ALPK2: variants seen among roughly 807,000 people sequenced by gnomAD.
ALPK2 encodes the protein alpha kinase 2.
In ALPK2, 127 loss-of-function variants were observed where a neutral mutation model predicts 163.1. The ratio of observed to expected loss-of-function variants is 0.78; its 90% CI spans 0.67 to 0.90. ALPK2 has a LOEUF of 0.90. Among genes scored for constraint, ALPK2 ranks in the 40% least tolerant of loss-of-function variants. The probability of loss-of-function intolerance (pLI) is 0.00; values close to 1 mark genes in which losing one functional copy is unlikely to be tolerated. For missense variants in ALPK2, 2,360 were observed against 2,589.6 expected, an observed-to-expected ratio of 0.91 and a Z score of 1.92; for synonymous variants, 953 against 959.1, an observed-to-expected ratio of 0.99 and a Z score of 0.12.
Position 58,534,838 on chromosome 18 carries a change from TC to T in ALPK2, c.5348del (p.Gly1783GlufsTer7). ...DPKKPSCKRE[G>X]RAPVLLKKIQ... ...TGGACAGCAACAGAACCTCACCTCT[TC>T]CTTCTCTTTTGCAAGATGGCTTTTT... On this transcript the variant is annotated frameshift_variant, in exon 5 of 13. Transcript: ENST00000361673. The T allele has an allele frequency of 6.2e-7, 1 of 1,607,134 alleles. No individual in the cohort carries two copies. Among genetic ancestry groups the T allele is most frequent in the Non-Finnish European group, 8.5e-7 (1 of 1,177,456 alleles).
chr18:58,523,895 G>C, intron 7 of ALPK2, 40 bp downstream of exon 7: 1 of 1,614,116 alleles, frequency 6.2e-7, no homozygotes, highest in Non-Finnish European at 8.5e-7. Flanking sequence ...ATTGTGAACG[G>C]GCAGGGGCCA....
intron 3 of ALPK2, among the ~76,000 whole-genome samples, chr18:58,606,538 A>G (rs2052098504): frequency 6.6e-6 from 1 of 152,230 alleles, no homozygotes; most frequent in Non-Finnish European, 1.5e-5. Flanking sequence ...AGGTTAAGCA[A>G]CTGGCCAAGG....
intron 10 of ALPK2, among the ~76,000 whole-genome samples, chr18:58,510,792 T>C (rs373196667): frequency 4.6e-5 from 7 of 152,168 alleles, no homozygotes; most frequent in African/African-American, 1.4e-4. Context: ...TGGGCTGAGA[T>C]GATGGGGTTT....
At chr18:58,611,329 T>A (rs1028654987) in intron 2 of ALPK2, among the ~76,000 whole-genome samples, 4 of 151,556 alleles carry the variant, frequency 2.6e-5, no homozygotes, top group Admixed American at 1.3e-4. Context: ...TCCATCAATT[T>A]ACCGAAAAAA....
At chr18:58,545,927 A>G (rs2051715373) in intron 4 of ALPK2, among the ~76,000 whole-genome samples, 1 of 152,156 alleles carries the variant, frequency 6.6e-6, no homozygotes, top group South Asian at 2.1e-4. Flanking sequence ...CAACAGGCAG[A>G]GCGTCATTCG....
chr18:58,625,220 C>G (rs769115393), intron 1 of ALPK2, among the ~76,000 whole-genome samples: 4 of 151,498 alleles, frequency 2.6e-5, no homozygotes, highest in African/African-American at 4.9e-5. Context: ...AACTAGAGAC[C>G]ATTAGCCTCA....
At chr18:58,501,602 T>C (rs2051431717) in intron 11 of ALPK2, among the ~76,000 whole-genome samples, 1 of 152,122 alleles carries the variant, frequency 6.6e-6, no homozygotes, top group African/African-American at 2.4e-5. Flanking sequence ...ATCTTGCAAA[T>C]TTGCTAAATT....
intron 4 of ALPK2, among the ~76,000 whole-genome samples, chr18:58,571,290 C>A: frequency 6.6e-6 from 1 of 151,978 alleles, no homozygotes; most frequent in East Asian, 1.9e-4. Context: ...CAAAATGCTG[C>A]GACTACAGGT....
intron 1 of ALPK2, among the ~76,000 whole-genome samples, chr18:58,624,679 C>T (rs2052220372): frequency 6.6e-6 from 1 of 152,248 alleles, no homozygotes; most frequent in East Asian, 1.9e-4. Context: ...GTCTCAAAGT[C>T]CCGACCTCAA....
rs1485076207 is a variant in ALPK2 at position 58,611,799 on chromosome 18, C to G, written c.-2G>C. On this transcript the variant is annotated 5_prime_UTR_variant, in exon 2 of 13. Transcript: ENST00000361673. ...CTGGGGCCCTTCGGAGTCTTTCATC[C>G]TTTCATGCCGCACCAAATCTGAAAA... 1.3e-6 allele frequency: 2 copies of G among 1,547,546 alleles called. No homozygotes were observed. The highest frequency in any genetic ancestry group is 2.8e-5 in the African/African-American group (2 of 71,604).
At chr18:58,486,143 T>C (rs2051337855) in intron 12 of ALPK2, among the ~76,000 whole-genome samples, 1 of 152,190 alleles carries the variant, frequency 6.6e-6, no homozygotes, top group African/African-American at 2.4e-5. Context: ...CTGGGTAGAC[T>C]TCTTTCAGGA....
At chr18:58,561,196 G>A (rs1040516184) in intron 4 of ALPK2, among the ~76,000 whole-genome samples, 65 of 152,204 alleles carry the variant, frequency 4.3e-4, no homozygotes, top group African/African-American at 1.5e-3. Context: ...GAAGTATACT[G>A]CCAATCTAAC....
intron 3 of ALPK2, among the ~76,000 whole-genome samples, chr18:58,598,275 C>G (rs1269265739): frequency 6.6e-6 from 1 of 152,244 alleles, no homozygotes; most frequent in Admixed American, 6.5e-5. Flanking sequence ...TGAGGTGTAG[C>G]CTGGTGTCTC....
At chr18:58,572,880 C>A (rs949933183) in intron 4 of ALPK2, among the ~76,000 whole-genome samples, 1 of 152,092 alleles carries the variant, frequency 6.6e-6, no homozygotes, top group South Asian at 2.1e-4. Context: ...TGGGGAAATC[C>A]AAATTACATC....
Position 58,570,772 on chromosome 18 carries a change from GCA to G in ALPK2, c.1962+8040_1962+8041del, listed in dbSNP as rs1219571786. Among the ~76,000 whole-genome samples the G allele has an allele frequency of 2.0e-4, 30 of 152,140 alleles. 1 individual carries two copies. Among genetic ancestry groups the G allele is most frequent in the African/African-American group, 6.5e-4 (27 of 41,432 alleles). On this transcript the variant is annotated intron_variant, in intron 4 of 12. Coordinates refer to ENST00000361673, the MANE Select transcript of ALPK2 (RefSeq NM_052947.4). ...TAGACTTGCTCATTCTTTCCAAATA[GCA>G]CATAATAGTCCTATTGATTAACTAA...
intron 5 of ALPK2, among the ~76,000 whole-genome samples, chr18:58,530,913 T>C (rs1040104747): frequency 2.2e-4 from 33 of 152,192 alleles, no homozygotes; most frequent in African/African-American, 8.0e-4. Flanking sequence ...CAAAAACGAT[T>C]ACTCAGGCCT....
intron 1 of ALPK2, among the ~76,000 whole-genome samples, chr18:58,614,118 T>G (rs2052151254): frequency 6.6e-6 from 1 of 152,158 alleles, no homozygotes; most frequent in Admixed American, 6.5e-5. Flanking sequence ...AACCTGAAGT[T>G]AAATTAACTT....
chr18:58,528,110 T>G (rs2051593092), intron 6 of ALPK2, among the ~76,000 whole-genome samples: 1 of 152,196 alleles, frequency 6.6e-6, no homozygotes, highest in African/African-American at 2.4e-5. Context: ...TCAGTTCACT[T>G]GAACAAGCAT....
intron 6 of ALPK2, among the ~76,000 whole-genome samples, chr18:58,525,458 C>T (rs748603277): frequency 6.6e-6 from 1 of 152,196 alleles, no homozygotes; most frequent in Non-Finnish European, 1.5e-5. Flanking sequence ...AAGGCAAGGG[C>T]TACCCGAAGG....
Sources: allele counts gnomAD v4.1 joint callset (sites outside exome capture counted in the v4.1 genomes callset), GRCh38; gene constraint gnomAD v4.1.1; transcripts MANE v1.5; gene names NCBI Gene and HGNC (gene_info 2026-07-23, HGNC 2026-07-21).